Variants in MITF observed in about 807,000 individuals in gnomAD.
The protein encoded by MITF is melanocyte inducing transcription factor, also known as microphthalmia-associated transcription factor.
In MITF, 17 loss-of-function variants were observed where a neutral mutation model predicts 60.5. The observed-to-expected ratio is 0.28, with a 90% CI of 0.19 to 0.42. MITF has a LOEUF of 0.42. MITF is among the 10% of genes least tolerant of loss of function. The probability of loss-of-function intolerance (pLI) is 1.00; values close to 1 mark genes in which losing one functional copy is unlikely to be tolerated. For synonymous variants in MITF, 260 were observed against 248.5 expected, an observed-to-expected ratio of 1.05 and a Z score of -0.43; for missense variants, 622 against 683.5, an observed-to-expected ratio of 0.91 and a Z score of 1.00.
At chr3:69,858,037 T>C (rs1196799381) in intron 1 of MITF, among the ~76,000 whole-genome samples, 16 of 152,062 alleles carry the variant, frequency 1.1e-4, no homozygotes, top group Admixed American at 8.5e-4. Flanking sequence ...AATTTAGTAG[T>C]TTTTTTAGGC....
intron 1 of MITF, among the ~76,000 whole-genome samples, chr3:69,838,301 A>G (rs1476823410): frequency 6.6e-6 from 1 of 152,028 alleles, no homozygotes; most frequent in Non-Finnish European, 1.5e-5. Flanking sequence ...TGGACACTAT[A>G]TGCATGCCCA....
rs535855045 is a variant in MITF at position 69,893,915 on chromosome 3, C to T, written c.354+14532C>T. 2.0e-5 allele frequency among the ~76,000 whole-genome samples: 3 copies of T among 152,262 alleles called. No homozygotes were observed. In the South Asian group the frequency reaches 6.2e-4, roughly 32 times the overall value. Reference sequence around the variant, plus strand: ...CTTATATGTTGTTTTTAATGATTGACAGCCAAATTAGGCAGCTGTTAAATC... The same window carrying T: ...CTTATATGTTGTTTTTAATGATTGATAGCCAAATTAGGCAGCTGTTAAATC... On this transcript the variant is annotated intron_variant, in intron 2 of 9. Coordinates refer to ENST00000352241, the MANE Select transcript of MITF (RefSeq NM_001354604.2).
At chr3:69,953,257 G>A (rs762401743) in intron 7 of MITF, among the ~76,000 whole-genome samples, 3 of 152,016 alleles carry the variant, frequency 2.0e-5, no homozygotes, top group Non-Finnish European at 4.4e-5. Flanking sequence ...AGATAATTAG[G>A]CATTATCCAA....
intron 1 of MITF, chr3:69,866,399 T>G (rs1360413386): frequency 1.9e-6 from 3 of 1,604,654 alleles, no homozygotes; most frequent in Admixed American, 1.7e-5. Context: ...AGAGGAGCAG[T>G]TTTTTTTCTC....
intron 8 of MITF, among the ~76,000 whole-genome samples, chr3:69,958,804 G>T (rs991177192): frequency 6.6e-6 from 1 of 152,118 alleles, no homozygotes; most frequent in Non-Finnish European, 1.5e-5. Context: ...AAGTTGAATT[G>T]TGTCTGTTTC....
At chr3:69,873,628 A>T (rs982927850) in intron 1 of MITF, among the ~76,000 whole-genome samples, 5 of 152,176 alleles carry the variant, frequency 3.3e-5, no homozygotes, top group African/African-American at 9.7e-5. Context: ...CCCATCCAAC[A>T]TGTTGCATTC....
chr3:69,772,025 G>A (rs1056730856), intron 1 of MITF, among the ~76,000 whole-genome samples: 8 of 152,206 alleles, frequency 5.3e-5, no homozygotes, highest in Middle Eastern at 3.2e-3. Context: ...ATTGATGTAT[G>A]TCTTTTAAGT....
At chr3:69,821,768 G>C (rs1189482219) in intron 1 of MITF, among the ~76,000 whole-genome samples, 2 of 149,720 alleles carry the variant, frequency 1.3e-5, no homozygotes, top group Non-Finnish European at 3.0e-5. Flanking sequence ...TGCTTTTTGA[G>C]ACTGAGTCTC....
intron 1 of MITF, among the ~76,000 whole-genome samples, chr3:69,787,484 TTAG>T (rs1398412544): frequency 6.6e-6 from 1 of 152,230 alleles, no homozygotes; most frequent in African/African-American, 2.4e-5. Context: ...TCTCTGTTTC[TTAG>T]TAGTACAGGC....
chr3:69,767,740 T>C (rs1386634295), intron 1 of MITF, among the ~76,000 whole-genome samples: 1 of 151,766 alleles, frequency 6.6e-6, no homozygotes, highest in East Asian at 1.9e-4. Context: ...CACCAGGGAG[T>C]GCGGCCAGCT....
intron 1 of MITF, among the ~76,000 whole-genome samples, chr3:69,798,725 C>G (rs2062870205): frequency 6.6e-6 from 1 of 152,208 alleles, no homozygotes; most frequent in South Asian, 2.1e-4. Context: ...CCCCATAGTG[C>G]TTTAGCAACA....
chr3:69,891,396 G>A (rs939597240), intron 2 of MITF, among the ~76,000 whole-genome samples: 1 of 152,180 alleles, frequency 6.6e-6, no homozygotes, highest in African/African-American at 2.4e-5. Flanking sequence ...CTCAAATGGT[G>A]GAAAGCATTG....
At chr3:69,921,882 T>C (rs1165072615) in intron 2 of MITF, among the ~76,000 whole-genome samples, 1 of 152,190 alleles carries the variant, frequency 6.6e-6, no homozygotes, top group Non-Finnish European at 1.5e-5. Context: ...TGAAAGGCTG[T>C]CTTGTGCATC....
At chr3:69,892,469 G>A (rs1407013522) in intron 2 of MITF, among the ~76,000 whole-genome samples, 1 of 152,062 alleles carries the variant, frequency 6.6e-6, no homozygotes, top group Non-Finnish European at 1.5e-5. Flanking sequence ...TTATGTTAGT[G>A]TTCACTCTTG....
chr3:69,848,234 T>C (rs2063764926), intron 1 of MITF, among the ~76,000 whole-genome samples: 1 of 152,212 alleles, frequency 6.6e-6, no homozygotes, highest in Non-Finnish European at 1.5e-5. Flanking sequence ...TTTTTGTAGA[T>C]GGTGTCAGCA....
intron 1 of MITF, among the ~76,000 whole-genome samples, chr3:69,866,001 C>T (rs559917482): frequency 6.6e-6 from 1 of 152,200 alleles, no homozygotes; most frequent in Non-Finnish European, 1.5e-5. Context: ...ATAAGCTTCC[C>T]GAGGTGCTTG....
chr3:69,948,140 T>C (rs2066146324), intron 5 of MITF, among the ~76,000 whole-genome samples: 1 of 152,192 alleles, frequency 6.6e-6, no homozygotes, highest in Non-Finnish European at 1.5e-5. Flanking sequence ...AATCTAGTAA[T>C]GGTACGTGTC....
chr3:69,947,577 A>G (rs1023691710), intron 5 of MITF, among the ~76,000 whole-genome samples: 8 of 152,172 alleles, frequency 5.3e-5, no homozygotes, highest in Admixed American at 3.9e-4. Flanking sequence ...GGCATTTTAA[A>G]TGACCACGAT....
At chr3:69,891,748 C>T (rs899951722) in intron 2 of MITF, among the ~76,000 whole-genome samples, 1 of 152,162 alleles carries the variant, frequency 6.6e-6, no homozygotes, top group African/African-American at 2.4e-5. Context: ...AACAGTGGTA[C>T]AGTGGGCAAG....
Sources: gnomAD v4.1 joint callset for allele counts (sites outside exome capture counted in the v4.1 genomes callset) on GRCh38, gnomAD v4.1.1 for gene constraint, MANE v1.5 for transcripts, NCBI Gene and HGNC (gene_info 2026-07-23, HGNC 2026-07-21) for gene names.